Variants in TSGA10 observed in about 807,000 individuals in gnomAD.
TSGA10 encodes the protein testis-specific gene 10 protein.
A neutral mutation model predicts 96.6 loss-of-function variants in TSGA10; 43 were observed. That is an observed-to-expected ratio of 0.44 (90% CI 0.35 to 0.57). The LOEUF is 0.57. TSGA10 is among the 20% of genes least tolerant of loss of function. The pLI is 0.01. For missense variants in TSGA10, 703 were observed against 834.4 expected (o/e 0.84, Z 1.94); for synonymous variants, 229 against 269.9 (o/e 0.85, Z 1.48).
chr2:99,045,173 C>T lies in TSGA10; in HGVS notation c.1405-9734G>A, dbSNP rs374403651. On this transcript the variant is annotated intron_variant, in intron 16 of 20. Coordinates refer to ENST00000393483, the MANE Select transcript of TSGA10 (RefSeq NM_025244.4). ...AAAGCTAGCAGAAGACAAGAAATAA[C>T]TAAGATCAGAGCAGAACTGAAGGAG... Among the ~76,000 whole-genome samples the T allele has an allele frequency of 5.3e-5, 8 of 152,172 alleles. No homozygotes were observed. In the South Asian group the frequency reaches 8.3e-4, roughly 16 times the overall value.
chr2:99,042,039 C>CCTTTTTTTTTTT (rs1558816084), intron 16 of TSGA10, among the ~76,000 whole-genome samples: 1 of 140,108 alleles, frequency 7.1e-6, no homozygotes. Context: ...TGCCCCCCCA[C>CCTTTTTTTTTTT]ATTTTTTTTT....
At chr2:99,039,327 AC>A (rs553091136) in intron 16 of TSGA10, among the ~76,000 whole-genome samples, 6 of 151,426 alleles carry the variant, frequency 4.0e-5, no homozygotes, top group Non-Finnish European at 8.8e-5. Context: ...AAAAACCACT[AC>A]AAAAGATAAA....
At position 99,059,054 on chromosome 2, in the gene TSGA10, A is replaced by ATATATATATATATATTTATATATTTT. The variant is rs1312211180; in HGVS notation, c.1404+5859_1404+5884dup. On this transcript the variant is annotated intron_variant, in intron 16 of 20. Transcript: ENST00000393483. ...CTGTCTCAAAAAAAAAAAATAATAT[A>ATATATATATATATATTTATATATTTT]TATATATATATATATTTATATATTT... 5.4e-4 allele frequency among the ~76,000 whole-genome samples: 61 copies of ATATATATATATATATTTATATATTTT among 112,662 alleles called. 3 individuals are homozygous for ATATATATATATATATTTATATATTTT. In the South Asian group the frequency reaches 0.013, roughly 25 times the overall value. 73.9% of individuals were successfully genotyped at this position (112,662 alleles called of 152,430 possible).
chr2:99,111,598 A>G lies in TSGA10; in HGVS notation c.-139-683T>C, dbSNP rs146104451. Reference sequence around the variant, plus strand: ...GAATTCTCTGGAATTATTGTACTTCATTTGTCCTTTAGACCAACGTTCTCT... The same window carrying G: ...GAATTCTCTGGAATTATTGTACTTCGTTTGTCCTTTAGACCAACGTTCTCT... On this transcript the variant is annotated intron_variant, in intron 4 of 20. Transcript: ENST00000393483. Among the ~76,000 whole-genome samples, 110 of 152,154 alleles carry G rather than the reference A, an allele frequency of 7.2e-4. 1 individual carries two copies. The highest frequency in any genetic ancestry group is 2.5e-3 in the African/African-American group (104 of 41,532).
chr2:99,051,248 G>A (rs992378085), intron 16 of TSGA10, among the ~76,000 whole-genome samples: 3 of 152,004 alleles, frequency 2.0e-5, no homozygotes, highest in Non-Finnish European at 4.4e-5. Context: ...GTCTGTAAGG[G>A]ACACACTTTA....
At chr2:99,123,483 A>G (rs1205818357) in intron 2 of TSGA10, among the ~76,000 whole-genome samples, 1 of 152,062 alleles carries the variant, frequency 6.6e-6, no homozygotes, top group Non-Finnish European at 1.5e-5. Context: ...GAGAACATTG[A>G]GCTTTTATTT....
chr2:99,131,815 A>C (rs1030953904), intron 1 of TSGA10, among the ~76,000 whole-genome samples: 1 of 152,102 alleles, frequency 6.6e-6, no homozygotes, highest in Non-Finnish European at 1.5e-5. Context: ...GTTTACTGAG[A>C]GTTTTTAGCA....
chr2:99,064,180 T>C (rs1195006419), intron 16 of TSGA10, among the ~76,000 whole-genome samples: 1 of 152,102 alleles, frequency 6.6e-6, no homozygotes, highest in Non-Finnish European at 1.5e-5. Context: ...GGGAAACATG[T>C]AGTCAAGGAG....
intron 4 of TSGA10, among the ~76,000 whole-genome samples, chr2:99,115,196 G>A (rs2092152839): frequency 6.6e-6 from 1 of 152,148 alleles, no homozygotes; most frequent in African/African-American, 2.4e-5. Flanking sequence ...GCCTCCCAAA[G>A]TGCTGGGATT....
At chr2:99,099,557 C>A (rs2090467004) in intron 10 of TSGA10, among the ~76,000 whole-genome samples, 2 of 152,056 alleles carry the variant, frequency 1.3e-5, no homozygotes, top group African/African-American at 4.8e-5. Context: ...ATGTGACCAT[C>A]TAAATACATG....
Position 99,068,995 on chromosome 2 carries a change from G to C in TSGA10, c.1111C>G (p.Leu371Val). ...TGAGTGTCATTCAATTTTTTGGACA[G>C]TGCCTACGAAAAAAAGATAGGTATA... ...FAKAKQENQA[L>V]SKKLNDTHNE... Residue 371 changes from leucine (L) to valine (V), a missense_variant, in exon 15 of 21, where the codon CTG becomes GTG. By Grantham distance (32) the Leu-to-Val change is conservative. Transcript: ENST00000393483. 6.9e-7 allele frequency: 1 copy of C among 1,440,406 alleles called. No homozygotes were observed. The highest frequency in any genetic ancestry group is 9.1e-7 in the Non-Finnish European group (1 of 1,095,934). The allele number at this position is 1,440,406 out of a possible 1,614,324, so 89.2% of individuals were successfully genotyped here.
At chr2:99,031,887 G>C (rs1167235959) in intron 17 of TSGA10, among the ~76,000 whole-genome samples, 3 of 152,198 alleles carry the variant, frequency 2.0e-5, no homozygotes, top group Non-Finnish European at 4.4e-5. Context: ...CTGATGATCT[G>C]AGGTGGAGCT....
intron 16 of TSGA10, among the ~76,000 whole-genome samples, chr2:99,062,038 C>G (rs2084754293): frequency 3.3e-5 from 5 of 152,098 alleles, no homozygotes; most frequent in Admixed American, 2.6e-4. Flanking sequence ...TTTCCAGTCT[C>G]CAGAACTGTG....
intron 16 of TSGA10, among the ~76,000 whole-genome samples, chr2:99,046,992 G>C (rs937737450): frequency 6.6e-6 from 1 of 152,088 alleles, no homozygotes; most frequent in Non-Finnish European, 1.5e-5. Context: ...ATAAATTCCT[G>C]GACACATACA....
At chr2:99,118,509 T>C (rs987815866) in intron 3 of TSGA10, 42 bp downstream of exon 3, 1 of 865,438 alleles carries the variant, frequency 1.2e-6, no homozygotes, top group Admixed American at 6.2e-5. Flanking sequence ...ATGTGTATTA[T>C]TAACTTTTTA....
At chr2:99,144,195 G>A (rs185361626) in intron 1 of TSGA10, among the ~76,000 whole-genome samples, 4,239 of 151,890 alleles carry the variant, frequency 0.028, 202 homozygotes, top group African/African-American at 0.097. Flanking sequence ...TAATTTTTTT[G>A]TATTTTTAGT....
intron 18 of TSGA10, among the ~76,000 whole-genome samples, chr2:99,019,271 TAACAA>T (rs1353467453): frequency 6.6e-6 from 1 of 152,182 alleles, no homozygotes; most frequent in Non-Finnish European, 1.5e-5. Flanking sequence ...TAGAGACTAA[TAACAA>T]ACACTTCTCA....
chr2:99,078,112 A>C (rs2086960136), intron 12 of TSGA10, among the ~76,000 whole-genome samples: 1 of 151,560 alleles, frequency 6.6e-6, no homozygotes, highest in Non-Finnish European at 1.5e-5. Context: ...TCTACTAAAA[A>C]TACAAAAAAT....
chr2:99,084,974 G>T (rs992215019), intron 10 of TSGA10, among the ~76,000 whole-genome samples: 1 of 151,710 alleles, frequency 6.6e-6, no homozygotes, highest in Non-Finnish European at 1.5e-5. Context: ...CATCCAGGCC[G>T]GGAGCGGTGG....
Sources: gnomAD v4.1 joint callset for allele counts (sites outside exome capture counted in the v4.1 genomes callset) on GRCh38, gnomAD v4.1.1 for gene constraint, MANE v1.5 for transcripts, NCBI Gene and HGNC (gene_info 2026-07-23, HGNC 2026-07-21) for gene names.